CA14: variants seen among roughly 807,000 people sequenced by gnomAD.
CA14 encodes CA-XIV.
CA14 carries 44 observed loss-of-function variants against 48.8 expected under a neutral mutation model. The ratio of observed to expected loss-of-function variants is 0.90; its 90% confidence interval spans 0.71 to 1.16. The LOEUF (loss-of-function observed/expected upper bound fraction) is 1.16. Ranked by LOEUF, CA14 falls within the 50% of genes most tolerant of loss-of-function variation. CA14 has a pLI of 0.00. For missense variants in CA14, 386 were observed against 401.0 expected (o/e 0.96, Z 0.32); for synonymous variants, 154 against 155.0 (o/e 0.99, Z 0.05).
At chr1:150,263,978 C>T in intron 10 of CA14, 100 bp downstream of exon 10, 1 of 832,540 alleles carries the variant, frequency 1.2e-6, no homozygotes, top group South Asian at 1.7e-5. Flanking sequence ...GTCTGGAGTG[C>T]AGTGGTGTGC....
chr1:150,262,853 A>G lies in CA14; in HGVS notation c.545A>G (p.His182Arg), dbSNP rs1553848207. ...TATGAACACATTCTGAGTCACTTGC[A>G]TGAAGTCAGGCATAAAGGTGAGCCT... is the stretch of plus-strand genomic sequence containing the variant. ...IAYEHILSHLHEVRHKDQKTS... is the reference protein window; with the variant it reads ...IAYEHILSHLREVRHKDQKTS... Residue 182 changes from histidine (H) to arginine (R), a missense_variant, in exon 6 of 11, where the codon CAT becomes CGT. His to Arg is a conservative substitution (Grantham distance 29, BLOSUM62 0). Coordinates refer to ENST00000369111, the MANE Select transcript of CA14 (RefSeq NM_012113.3). 1.2e-6 allele frequency: 2 copies of G among 1,612,970 alleles called. No homozygotes were observed. Among genetic ancestry groups the G allele is most frequent in the Admixed American group, 1.7e-5 (1 of 60,024 alleles).
In CA14 at chr1:150,262,213, A is replaced by G; in HGVS notation, c.312A>G (p.Val104=). The part of the protein sequence containing the change: ...LYLGGLPRKY[V]AAQLHLHWGQ... Reference sequence around the variant, plus strand: ...TGGGTGGACTTCCCCGAAAATATGTAGCTGCCCAGCTCCACCTGCACTGGG... The same window carrying G: ...TGGGTGGACTTCCCCGAAAATATGTGGCTGCCCAGCTCCACCTGCACTGGG... Residue 104 remains valine, a synonymous_variant, in exon 4 of 11, where the codon GTA becomes GTG. Coordinates refer to ENST00000369111, the MANE Select transcript of CA14 (RefSeq NM_012113.3). 1 of 1,614,118 alleles carries G rather than the reference A, an allele frequency of 6.2e-7. No homozygotes were observed. The highest frequency in any genetic ancestry group is 8.5e-7 in the Non-Finnish European group (1 of 1,179,990).
At chr1:150,260,422 G>A (rs1650915337) in intron 2 of CA14, 3 of 576,220 alleles carry the variant, frequency 5.2e-6, no homozygotes, top group African/African-American at 1.9e-5. Flanking sequence ...GAGTGAGGGA[G>A]CTGGGGTGGA....
Position 150,258,023 on chromosome 1 carries a change from G to GCT in CA14, c.-104_-103dup, listed in dbSNP as rs1214329332. 4 of 718,804 alleles carry GCT rather than the reference G, an allele frequency of 5.6e-6. No homozygotes were observed. Among genetic ancestry groups the GCT allele is most frequent in the African/African-American group, 3.7e-5 (2 of 53,844 alleles). 44.5% of individuals were successfully genotyped at this position (718,804 alleles called of 1,614,324 possible). A position where few individuals can be genotyped will look rare whatever the true frequency, so the allele number is the denominator to read the frequency against. ...ATAAATACACTCACGCCAGGAGCTC[G>GCT]CTCGCTCTCTCTCTCTCTCTCTCAC... is the stretch of plus-strand genomic sequence containing the variant. On this transcript the variant is annotated 5_prime_UTR_variant, in exon 1 of 11. Coordinates refer to ENST00000369111, the MANE Select transcript of CA14 (RefSeq NM_012113.3).
rs1553848101 is a variant in CA14 at position 150,262,533 on chromosome 1, T to C, written c.408T>C (p.Ile136=). Residue 136 remains isoleucine (I), a synonymous_variant, in exon 5 of 11, where the codon ATT becomes ATC. Transcript: ENST00000369111. ...NSEATFAELH[I]VHYDSDSYDS... Reference sequence around the variant, plus strand: ...CCTCTTCCTTCCTTTAGCTCCACATTGTACATTATGACTCTGATTCCTATG... The same window carrying C: ...CCTCTTCCTTCCTTTAGCTCCACATCGTACATTATGACTCTGATTCCTATG... The C allele has an allele frequency of 6.2e-7, 1 of 1,613,366 alleles. No individual in the cohort carries two copies. The highest frequency in any genetic ancestry group is 8.5e-7 in the Non-Finnish European group (1 of 1,179,290).
intron 1 of CA14, among the ~76,000 whole-genome samples, chr1:150,259,308 G>A (rs587615928): frequency 9.9e-5 from 15 of 152,138 alleles, no homozygotes; most frequent in Non-Finnish European, 2.1e-4. Flanking sequence ...GAAGGCCTTC[G>A]TTTTCTTCTT....
In CA14 at chr1:150,263,338, G is replaced by A; in HGVS notation, c.760G>A (p.Glu254Lys). 3 of 1,614,186 alleles carry A rather than the reference G, an allele frequency of 1.9e-6. No individual in the cohort carries two copies. Among genetic ancestry groups the A allele is most frequent in the African/African-American group, 2.7e-5 (2 of 75,032 alleles). The change falls in exon 8 of 11, where the codon GAG becomes AAG. Residue 254 changes from glutamate to lysine, a missense_variant. Physicochemically the swap from Glu to Lys is moderately conservative, Grantham distance 56. Transcript: ENST00000369111. ...GGGGACATTGTTCTCCACAGAAGAG[G>A]AGCCCTCTAAGCTTCTGGTACAGAA... is the stretch of plus-strand genomic sequence containing the variant. ...LQGTLFSTEEEPSKLLVQNYR... is the reference protein window; with the variant it reads ...LQGTLFSTEEKPSKLLVQNYR...
chr1:150,261,289 A>C (rs1348246559), intron 2 of CA14, 170 bp from the exon 3 acceptor site: 4 of 610,664 alleles, frequency 6.6e-6, no homozygotes, highest in Non-Finnish European at 1.2e-5. Context: ...CAGGACTCCT[A>C]CCTCACCCAT....
rs183068071 is a variant in CA14, at chr1:150,263,388, T to G, written c.810T>G (p.Asn270Lys). The G allele has an allele frequency of 6.2e-7, 1 of 1,614,052 alleles. No homozygotes were observed. Among genetic ancestry groups the G allele is most frequent in the Non-Finnish European group, 8.5e-7 (1 of 1,180,040 alleles). Residue 270 changes from asparagine to lysine, a missense_variant, in exon 8 of 11, where the codon AAT becomes AAG. Physicochemically the swap from Asn to Lys is moderately conservative, Grantham distance 94. Coordinates refer to ENST00000369111, the MANE Select transcript of CA14 (RefSeq NM_012113.3). ...ACTACCGAGCCCTTCAGCCTCTCAA[T>G]CAGCGCATGGTCTTTGCTTCTTTCA... Reference protein sequence around the residue: ...VQNYRALQPLNQRMVFASFIQ... With the variant: ...VQNYRALQPLKQRMVFASFIQ...
intron 2 of CA14, chr1:150,260,472 C>G (rs1650917837): frequency 2.0e-6 from 1 of 488,404 alleles, no homozygotes; most frequent in Non-Finnish European, 3.8e-6. Context: ...GCTGCCAGGT[C>G]TCCTTCTGGC....
intron 1 of CA14, among the ~76,000 whole-genome samples, 163 bp from the exon 2 acceptor site, chr1:150,259,988 G>T (rs886194747): frequency 6.6e-6 from 1 of 152,312 alleles, no homozygotes; most frequent in Admixed American, 6.5e-5. Context: ...TTCCACAGAG[G>T]TGTCCGGTTT....
chr1:150,258,223 T>C (rs1572058184), intron 1 of CA14, 40 bp downstream of exon 1: 2 of 1,559,684 alleles, frequency 1.3e-6, no homozygotes, highest in East Asian at 2.3e-5. Context: ...TTTGTGCTGA[T>C]GTTCACATGT....
Position 150,263,996 on chromosome 1 carries a change from G to C in CA14, c.947+118G>C, listed in dbSNP as rs1292406805. 3 of 740,770 alleles carry C rather than the reference G, an allele frequency of 4.0e-6. No homozygotes were observed. In the African/African-American group the frequency reaches 5.5e-5, roughly 14 times the overall value. 45.9% of individuals were successfully genotyped at this position (740,770 alleles called of 1,614,324 possible). The stretch of plus-strand genomic sequence containing the variant: ...TGGAGTGCAGTGGTGTGCAATCTCA[G>C]CTCACTGCAACCTCTGCCTTCTGGG... On this transcript the variant is annotated intron_variant, in intron 10 of 10. Transcript: ENST00000369111.
At chr1:150,261,961 A>G (rs782267411) in intron 3 of CA14, among the ~76,000 whole-genome samples, 197 bp from the exon 4 acceptor site, 1 of 152,206 alleles carries the variant, frequency 6.6e-6, no homozygotes, top group Non-Finnish European at 1.5e-5. Context: ...CTCAGTAGGT[A>G]GGTATCATTG....
In CA14 at chr1:150,262,142, G is replaced by C; in HGVS notation, c.257-16G>C. On this transcript the variant is annotated splice_polypyrimidine_tract_variant and intron_variant, in intron 3 of 10. Transcript: ENST00000369111. The stretch of plus-strand genomic sequence containing the variant: ...CACATGCCTCCACCAATCCGAGTTT[G>C]CTCTTTTCCTCACAGTGCAACTCTC... 6.2e-7 allele frequency: 1 copy of C among 1,614,108 alleles called. No homozygotes were observed. The highest frequency in any genetic ancestry group is 8.5e-7 in the Non-Finnish European group (1 of 1,179,996).
intron 1 of CA14, among the ~76,000 whole-genome samples, chr1:150,259,411 T>C (rs1560022244): frequency 6.6e-6 from 1 of 152,128 alleles, no homozygotes; most frequent in Non-Finnish European, 1.5e-5. Flanking sequence ...GTGACCCAGC[T>C]GGCAGCTCTC....
intron 10 of CA14, 97 bp downstream of exon 10, chr1:150,263,975 G>A (rs1553848769): frequency 3.6e-6 from 3 of 837,244 alleles, no homozygotes; most frequent in Non-Finnish European, 5.7e-6. Flanking sequence ...TCAGTCTGGA[G>A]TGCAGTGGTG....
Position 150,257,838 on chromosome 1 carries a change from C to T in CA14, c.-291C>T, listed in dbSNP as rs1263362666. The T allele has an allele frequency of 1.8e-5, 4 of 220,526 alleles. No individual in the cohort carries two copies. The highest frequency in any genetic ancestry group is 5.7e-5 in the Admixed American group (1 of 17,466). The allele number at this position is 220,526 out of a possible 1,614,324, so 13.7% of individuals were successfully genotyped here. A position where few individuals can be genotyped will look rare whatever the true frequency, so the allele number is the denominator to read the frequency against. On this transcript the variant is annotated 5_prime_UTR_variant, in exon 1 of 11. Transcript: ENST00000369111. The stretch of plus-strand genomic sequence containing the variant: ...TAAAAGCAGGAGGCAGTTGTAAAGT[C>T]GCTGGCCAGCTAGTGGAGTGGAGAC...
chr1:150,262,259 G>C lies in CA14; in HGVS notation c.358G>C (p.Gly120Arg), dbSNP rs1651103501. 6.2e-7 allele frequency: 1 copy of C among 1,610,770 alleles called. No homozygotes were observed. ...LHWGQKGSPG[G>R]SEHQINSEAT... ...CTGGGGTCAGAAAGGATCCCCAGGGGGGTCAGAACACCAGATCAACAGTGA... is the reference window on the plus strand; with the variant it reads ...CTGGGGTCAGAAAGGATCCCCAGGGCGGTCAGAACACCAGATCAACAGTGA... Residue 120 changes from glycine to arginine, a missense_variant, in exon 4 of 11, where the codon GGG becomes CGG. Coordinates refer to ENST00000369111, the MANE Select transcript of CA14 (RefSeq NM_012113.3).
Sources: gnomAD v4.1 joint callset for allele counts (sites outside exome capture counted in the v4.1 genomes callset) on GRCh38, gnomAD v4.1.1 for gene constraint, MANE v1.5 for transcripts, NCBI Gene and HGNC (gene_info 2026-07-23, HGNC 2026-07-21) for gene names.